AKAP11: variants seen among roughly 807,000 people sequenced by gnomAD.
AKAP11 encodes A-kinase anchoring protein 11.
Under a neutral mutation model 146.1 loss-of-function variants are expected in AKAP11, and 36 were observed. The ratio of observed to expected loss-of-function variants is 0.25; its 90% CI spans 0.19 to 0.33. The LOEUF (loss-of-function observed/expected upper bound fraction) is 0.33, where lower values mean the gene tolerates loss of function less well. Among genes scored for constraint, AKAP11 ranks in the 10% least tolerant of loss-of-function variants. The pLI is 1.00. For missense variants in AKAP11, 2,201 were observed against 2,197.0 expected, an observed-to-expected ratio of 1.00 and a Z score of -0.04; for synonymous variants, 780 against 786.5, an observed-to-expected ratio of 0.99 and a Z score of 0.14.
chr13:42,271,609 TGGCCCCAGGCTGTTAAGACTAAG>T (rs1317958963), upstream of AKAP11, among the ~76,000 whole-genome samples: 1 of 152,174 alleles, frequency 6.6e-6, no homozygotes, highest in Non-Finnish European at 1.5e-5. Context: ...GGAGCCCAGC[TGGCCCCAGGCTGTTAAGACTAAG>T]GGGTCGAGGG....
chr13:42,276,802 G>A (rs183448399), intron 1 of AKAP11, among the ~76,000 whole-genome samples: 43 of 152,052 alleles, frequency 2.8e-4, no homozygotes, highest in African/African-American at 8.4e-4. Context: ...GACTTATTTC[G>A]GCTACTGGCA....
intron 11 of AKAP11, 150 bp from the exon 12 acceptor site, chr13:42,317,378 G>A (rs1960870918): frequency 2.6e-6 from 2 of 762,396 alleles, no homozygotes; most frequent in Non-Finnish European, 4.0e-6. Flanking sequence ...TTTTAGTTGA[G>A]GTTATGGTGT....
upstream of AKAP11, chr13:42,272,051 TGCGGCG>T (rs1019424784): frequency 2.9e-5 from 4 of 135,926 alleles, no homozygotes; most frequent in East Asian, 2.3e-4. Context: ...GGGCCGGAGC[TGCGGCG>T]GCGGCGGCGG....
Position 42,319,387 on chromosome 13 carries a change from G to GT in AKAP11, c.*160dup, listed in dbSNP as rs1363408181. 4.5e-6 allele frequency: 4 copies of GT among 886,232 alleles called. No homozygotes were observed. The African/African-American group carries it at 6.8e-5, about 15-fold the overall frequency. The allele number at this position is 886,232 out of a possible 1,614,324, so 54.9% of individuals were successfully genotyped here. ...TGAGCGCTTTGTGTTATCACTCGGTGTATATAGTTCATACTTTTGTAATCT... is the reference window on the plus strand; with the variant it reads ...TGAGCGCTTTGTGTTATCACTCGGTGTTATATAGTTCATACTTTTGTAATCT... On this transcript the variant is annotated 3_prime_UTR_variant, in exon 13 of 13. Coordinates refer to ENST00000025301, the MANE Select transcript of AKAP11 (RefSeq NM_016248.4).
At chr13:42,288,296 A>G (rs929004245) in intron 3 of AKAP11, among the ~76,000 whole-genome samples, 1 of 152,222 alleles carries the variant, frequency 6.6e-6, no homozygotes, top group Non-Finnish European at 1.5e-5. Context: ...ACATTTTATT[A>G]TGAAAAATTT....
At chr13:42,283,650 C>A (rs1959108045) in intron 1 of AKAP11, among the ~76,000 whole-genome samples, 1 of 152,138 alleles carries the variant, frequency 6.6e-6, no homozygotes, top group African/African-American at 2.4e-5. Flanking sequence ...TGAGGGTGAG[C>A]AGCTCATTTA....
Position 42,317,697 on chromosome 13 carries a change from C to A in AKAP11, c.5565+9C>A, listed in dbSNP as rs780677989. ...ATAAGGAGTTTATGCTAGTAAGTAC[C>A]TACCTTACAGAGTGTGAGGATACAT... On this transcript the variant is annotated intron_variant, in intron 12 of 12. Transcript: ENST00000025301. 4.3e-6 allele frequency: 7 copies of A among 1,612,254 alleles called. No individual in the cohort carries two copies. In the East Asian group the frequency reaches 1.1e-4, roughly 26 times the overall value.
upstream of AKAP11, among the ~76,000 whole-genome samples, chr13:42,271,549 G>A (rs1958768240): frequency 6.6e-6 from 1 of 152,216 alleles, no homozygotes; most frequent in Admixed American, 6.5e-5. Flanking sequence ...GCCACTTTGG[G>A]AAGGGCCCCG....
In AKAP11 at chr13:42,303,298, C is replaced by T. The variant is rs145560213; in HGVS notation, c.4552C>T (p.His1518Tyr). The change falls in exon 8 of 13, where the codon CAC becomes TAC. Residue 1518 changes from histidine (H) to tyrosine (Y), a missense_variant. This residue lies in a region of AKAP11 where 1,867 missense variants were observed against 1,833.5 expected (regional missense o/e 1.02). Transcript: ENST00000025301. ...PKSLQPSSQN[H>Y]RFYHSTGSLN... ...GTCTCTTCAGCCTTCCTCACAAAAT[C>T]ACAGGTTTTACCACAGCACTGGCAG... The T allele has an allele frequency of 3.1e-6, 5 of 1,612,734 alleles. No homozygotes were observed. The highest frequency in any genetic ancestry group is 1.1e-5 in the South Asian group (1 of 91,064).
intron 5 of AKAP11, 116 bp from the exon 6 acceptor site, chr13:42,296,932 A>G: frequency 1.3e-6 from 1 of 777,834 alleles, no homozygotes; most frequent in Non-Finnish European, 2.0e-6. Flanking sequence ...AACTATTATG[A>G]ACCAGGAAAT....
chr13:42,272,094 CG>C (rs1297121112), upstream of AKAP11: 1 of 6,964 alleles, frequency 1.4e-4, no homozygotes, highest in Non-Finnish European at 3.3e-4. Context: ...GTGGGCAGGG[CG>C]GGGGCGGGCC....
Position 42,303,708 on chromosome 13 carries a change from A to C in AKAP11, c.4962A>C (p.Ile1654=), listed in dbSNP as rs758292394. ...LDKKAVLAEK[I]VAEAIEKAER... ...AGAAGGCAGTGCTTGCTGAGAAGATAGTTGCTGAAGCCATTGAAAAAGCTG... is the reference window on the plus strand; with the variant it reads ...AGAAGGCAGTGCTTGCTGAGAAGATCGTTGCTGAAGCCATTGAAAAAGCTG... The change falls in exon 8 of 13, where the codon ATA becomes ATC. Residue 1654 remains isoleucine, a synonymous_variant. Coordinates refer to ENST00000025301, the MANE Select transcript of AKAP11 (RefSeq NM_016248.4). 4.3e-6 allele frequency: 7 copies of C among 1,614,050 alleles called. No individual in the cohort carries two copies. In the Admixed American group the frequency reaches 1.2e-4, roughly 27 times the overall value.
intron 11 of AKAP11, among the ~76,000 whole-genome samples, chr13:42,315,412 A>G (rs1018439629): frequency 2.0e-5 from 3 of 152,200 alleles, no homozygotes; most frequent in Non-Finnish European, 2.9e-5. Flanking sequence ...ATTCTTGTTC[A>G]CTAAAAAAGT....
At chr13:42,315,443 T>G (rs1960773242) in intron 11 of AKAP11, among the ~76,000 whole-genome samples, 1 of 152,226 alleles carries the variant, frequency 6.6e-6, no homozygotes, top group African/African-American at 2.4e-5. Flanking sequence ...TTTATAAAAG[T>G]TATGCCTTTT....
chr13:42,293,430 GA>G (rs1363440120), intron 4 of AKAP11, among the ~76,000 whole-genome samples: 1 of 152,098 alleles, frequency 6.6e-6, no homozygotes, highest in African/African-American at 2.4e-5. Context: ...CATTTCATAG[GA>G]AGATGAGCAT....
chr13:42,301,682 A>G lies in AKAP11; in HGVS notation c.2936A>G (p.Gln979Arg), dbSNP rs1246761085. Residue 979 changes from glutamine to arginine, a missense_variant, in exon 8 of 13, where the codon CAG (glutamine) becomes CGG (arginine). Gln to Arg is a conservative substitution (Grantham distance 43). This residue lies in a region of AKAP11 where 1,867 missense variants were observed against 1,833.5 expected (regional missense o/e 1.02). Coordinates refer to ENST00000025301, the MANE Select transcript of AKAP11 (RefSeq NM_016248.4). Reference sequence around the variant, plus strand: ...TTGCCTGTTTCTGGAGAAGAATCACAGTTGACACCAGAAAAGTCTCCCAAA... The same window carrying G: ...TTGCCTGTTTCTGGAGAAGAATCACGGTTGACACCAGAAAAGTCTCCCAAA... ...ESLPVSGEESQLTPEKSPKFP... is the reference protein window; with the variant it reads ...ESLPVSGEESRLTPEKSPKFP... The G allele has an allele frequency of 4.3e-6, 7 of 1,614,186 alleles. No homozygotes were observed. The highest frequency in any genetic ancestry group is 5.9e-6 in the Non-Finnish European group (7 of 1,180,006).
chr13:42,302,968 G>A lies in AKAP11; in HGVS notation c.4222G>A (p.Glu1408Lys), dbSNP rs773256596. The change falls in exon 8 of 13, where the codon GAA becomes AAA. Residue 1408 changes from glutamate (E) to lysine (K), a missense_variant. Coordinates refer to ENST00000025301, the MANE Select transcript of AKAP11 (RefSeq NM_016248.4). ...AAGTTCACAAGTGAAAACAAACAAG[G>A]AACTGTTAATGTTTTCAAACAAAGA... is the stretch of plus-strand genomic sequence containing the variant. ...VPSSQVKTNK[E>K]LLMFSNKEHH... 1 of 1,613,598 alleles carries A rather than the reference G, an allele frequency of 6.2e-7. No individual in the cohort carries two copies. Among genetic ancestry groups the A allele is most frequent in the Non-Finnish European group, 8.5e-7 (1 of 1,179,966 alleles).
Position 42,292,423 on chromosome 13 carries a change from A to G in AKAP11, c.90A>G (p.Leu30=). Reference sequence around the variant, plus strand: ...ATGTGTTCCAGTCTGTAAAGTCTTTATTGCAGAGTCAGAAGGAACTATGCA... The same window carrying G: ...ATGTGTTCCAGTCTGTAAAGTCTTTGTTGCAGAGTCAGAAGGAACTATGCA... ...SEDVFQSVKS[L]LQSQKELCSV... is the part of the protein sequence containing the mutation. The change falls in exon 4 of 13, where the codon TTA becomes TTG. Residue 30 remains leucine (L), a synonymous_variant. Coordinates refer to ENST00000025301, the MANE Select transcript of AKAP11 (RefSeq NM_016248.4). 6.3e-7 allele frequency: 1 copy of G among 1,593,798 alleles called. No homozygotes were observed. The highest frequency in any genetic ancestry group is 8.6e-7 in the Non-Finnish European group (1 of 1,165,574).
intron 4 of AKAP11, among the ~76,000 whole-genome samples, chr13:42,293,617 C>T (rs1343346191): frequency 6.6e-6 from 1 of 152,200 alleles, no homozygotes; most frequent in Non-Finnish European, 1.5e-5. Context: ...AATACATATG[C>T]TCATCTTCTA....
Sources: gnomAD v4.1 joint callset for allele counts (sites outside exome capture counted in the v4.1 genomes callset) on GRCh38, gnomAD v4.1.1 for gene constraint, gnomAD v4.1.1 regional missense constraint, MANE v1.5 for transcripts, NCBI Gene and HGNC (gene_info 2026-07-23, HGNC 2026-07-21) for gene names.